The following RPS6KC1 variants were observed in gnomAD, a reference collection of about 807,000 sequenced individuals.
RPS6KC1 encodes the protein ribosomal protein S6 kinase C1, also known as inactive ribosomal protein S6 kinase delta-1.
Under a neutral mutation model 103.8 loss-of-function variants are expected in RPS6KC1, and 54 were observed. That is an observed-to-expected ratio of 0.52 (90% confidence interval 0.42 to 0.65). The LOEUF is 0.65. Ranked by LOEUF, RPS6KC1 falls within the 30% of genes least tolerant of loss-of-function variation. The pLI is 0.00. For synonymous variants in RPS6KC1, 439 were observed against 438.7 expected, an observed-to-expected ratio of 1.00 and a Z score of -0.01; for missense variants, 1,151 against 1,253.8, an observed-to-expected ratio of 0.92 and a Z score of 1.24.
chr1:213,381,963 T>C, the RPS6KC1 span, among the ~76,000 whole-genome samples: 1 of 152,260 alleles, frequency 6.6e-6, no homozygotes, highest in East Asian at 1.9e-4. Context: ...TGGTTTTGCA[T>C]CAGTCAGCTC....
chr1:213,376,398 A>AT, the RPS6KC1 span, among the ~76,000 whole-genome samples: 4 of 151,594 alleles, frequency 2.6e-5, no homozygotes, highest in African/African-American at 7.3e-5. Flanking sequence ...GGTTGTTTCT[A>AT]TTTTTTTTAA....
chr1:213,225,246 G>A (rs2093932096), intron 8 of RPS6KC1, among the ~76,000 whole-genome samples: 1 of 152,158 alleles, frequency 6.6e-6, no homozygotes, highest in Non-Finnish European at 1.5e-5. Flanking sequence ...GAAATTGACA[G>A]TCAAAGGGCA....
intron 8 of RPS6KC1, among the ~76,000 whole-genome samples, chr1:213,223,634 G>A (rs538350552): frequency 6.6e-6 from 1 of 152,224 alleles, no homozygotes; most frequent in South Asian, 2.1e-4. Flanking sequence ...GGTTGGTTCG[G>A]TATCATTGCA....
the RPS6KC1 span, among the ~76,000 whole-genome samples, chr1:213,734,514 AGT>A: frequency 2.0e-5 from 3 of 152,146 alleles, no homozygotes; most frequent in African/African-American, 7.2e-5. Flanking sequence ...TTTTTCACTG[AGT>A]GTGTGAGTGC....
chr1:213,592,399 T>G, the RPS6KC1 span, among the ~76,000 whole-genome samples: 2 of 152,204 alleles, frequency 1.3e-5, no homozygotes, highest in African/African-American at 4.8e-5. Context: ...TTTAAAAATT[T>G]TATTAAAATG....
chr1:213,821,033 A>G, the RPS6KC1 span: 1 of 152,174 alleles, frequency 6.6e-6, no homozygotes, highest in East Asian at 1.9e-4. Flanking sequence ...AAGGTGATGC[A>G]AGAGCAGGAG....
At chr1:213,380,126 A>G in the RPS6KC1 span, among the ~76,000 whole-genome samples, 3 of 152,254 alleles carry the variant, frequency 2.0e-5, no homozygotes, top group Non-Finnish European at 2.9e-5. Context: ...TATATACACT[A>G]TGAAATACTA....
At chr1:213,504,440 T>G in the RPS6KC1 span, among the ~76,000 whole-genome samples, 2 of 152,188 alleles carry the variant, frequency 1.3e-5, no homozygotes, top group Non-Finnish European at 2.9e-5. Context: ...CCAGATGTAT[T>G]GTTCTCTATG....
chr1:213,734,052 AT>A, the RPS6KC1 span, among the ~76,000 whole-genome samples: 1 of 152,226 alleles, frequency 6.6e-6, no homozygotes, highest in Non-Finnish European at 1.5e-5. Context: ...ACTGTCAGTT[AT>A]TTATATATAG....
At chr1:213,302,693 C>T in the RPS6KC1 span, among the ~76,000 whole-genome samples, 2 of 152,098 alleles carry the variant, frequency 1.3e-5, no homozygotes, top group East Asian at 1.9e-4. Context: ...ACAGATTTGA[C>T]CCTAGGCAAC....
the RPS6KC1 span, among the ~76,000 whole-genome samples, chr1:213,826,224 G>T: frequency 3.9e-5 from 6 of 152,234 alleles, no homozygotes; most frequent in East Asian, 1.2e-3. Flanking sequence ...ATTTTTTTAA[G>T]TTTAAGACTG....
At chr1:213,856,617 T>A in the RPS6KC1 span, among the ~76,000 whole-genome samples, 1 of 152,198 alleles carries the variant, frequency 6.6e-6, no homozygotes, top group Non-Finnish European at 1.5e-5. Flanking sequence ...ATAAACTACG[T>A]TTTTTGCATA....
At chr1:213,785,187 C>A in the RPS6KC1 span, among the ~76,000 whole-genome samples, 1 of 152,128 alleles carries the variant, frequency 6.6e-6, no homozygotes, top group Non-Finnish European at 1.5e-5. Flanking sequence ...TGTATTATAG[C>A]TGTTTTTACA....
the RPS6KC1 span, among the ~76,000 whole-genome samples, chr1:213,488,851 G>A: frequency 6.6e-6 from 1 of 152,306 alleles, no homozygotes; most frequent in African/African-American, 2.4e-5. Context: ...TCTGCCTTGT[G>A]AACTGTCCAA....
At chr1:213,714,827 G>A in the RPS6KC1 span, among the ~76,000 whole-genome samples, 5 of 152,190 alleles carry the variant, frequency 3.3e-5, no homozygotes, top group African/African-American at 4.8e-5. Flanking sequence ...GGGGGTGGAG[G>A]AGGCCAACAG....
intron 6 of RPS6KC1, among the ~76,000 whole-genome samples, chr1:213,133,584 C>T (rs1357642263): frequency 1.3e-5 from 2 of 152,110 alleles, no homozygotes; most frequent in South Asian, 2.1e-4. Context: ...TACCAGATGG[C>T]GAGCATTGTT....
intron 6 of RPS6KC1, among the ~76,000 whole-genome samples, chr1:213,151,730 ACC>A (rs1422847926): frequency 1.1e-5 from 1 of 87,798 alleles, no homozygotes; most frequent in African/African-American, 4.7e-5. Flanking sequence ...CGGGGGGCTG[ACC>A]CCCCCACCCA....
chr1:213,854,809 C>T, the RPS6KC1 span, among the ~76,000 whole-genome samples: 24 of 152,304 alleles, frequency 1.6e-4, no homozygotes, highest in Middle Eastern at 3.4e-3. Flanking sequence ...TTAGAGTCTT[C>T]GCTGAGCCTG....
At chr1:213,602,114 T>TTC in the RPS6KC1 span, among the ~76,000 whole-genome samples, 307 of 37,810 alleles carry the variant, frequency 8.1e-3, 11 homozygotes, top group Middle Eastern at 0.011. Context: ...CTTTCTTTCT[T>TTC]TCTTTCTCTT....
Sources: gnomAD v4.1 joint callset for allele counts (sites outside exome capture counted in the v4.1 genomes callset) on GRCh38, gnomAD v4.1.1 for gene constraint, MANE v1.5 for transcripts, NCBI Gene and HGNC (gene_info 2026-07-23, HGNC 2026-07-21) for gene names.